Variants in ZMAT4 observed in about 807,000 individuals in gnomAD.
ZMAT4 encodes zinc finger matrin-type protein 4.
ZMAT4 carries 17 observed loss-of-function variants against 28.7 expected under a neutral mutation model. The observed-to-expected ratio is 0.59, with a 90% CI of 0.41 to 0.89. The LOEUF (loss-of-function observed/expected upper bound fraction) is 0.89, where lower values mean the gene tolerates loss of function less well. Ranked by LOEUF, ZMAT4 falls within the 40% of genes least tolerant of loss-of-function variation. The probability of loss-of-function intolerance (pLI) is 0.00; values close to 1 mark genes in which losing one functional copy is unlikely to be tolerated. For missense variants in ZMAT4, 240 were observed against 283.8 expected (o/e 0.85, Z 1.11); for synonymous variants, 117 against 109.2 (o/e 1.07, Z -0.44).
At chr8:40,855,673 C>A (rs551146161) in intron 1 of ZMAT4, among the ~76,000 whole-genome samples, 1 of 144,478 alleles carries the variant, frequency 6.9e-6, no homozygotes, top group South Asian at 2.3e-4. Flanking sequence ...ATTCTGTTCA[C>A]CAAAACTTTT....
chr8:40,673,036 C>A (rs1808745885), intron 5 of ZMAT4, among the ~76,000 whole-genome samples: 1 of 152,168 alleles, frequency 6.6e-6, no homozygotes, highest in Non-Finnish European at 1.5e-5. Context: ...TGGAAAAAAT[C>A]AATCTCGAAT....
At chr8:40,641,803 C>T (rs1007697735) in intron 5 of ZMAT4, among the ~76,000 whole-genome samples, 42 of 152,062 alleles carry the variant, frequency 2.8e-4, no homozygotes, top group Non-Finnish European at 1.5e-5. Flanking sequence ...GGCACTCTGC[C>T]TATTAGATCT....
At chr8:40,891,875 T>TAC (rs1289588606) in intron 1 of ZMAT4, among the ~76,000 whole-genome samples, 1 of 152,224 alleles carries the variant, frequency 6.6e-6, no homozygotes, top group Non-Finnish European at 1.5e-5. Context: ...TTCTCAGGGC[T>TAC]ACACACAGAA....
intron 6 of ZMAT4, among the ~76,000 whole-genome samples, chr8:40,552,278 A>G (rs941427740): frequency 5.3e-5 from 8 of 152,114 alleles, no homozygotes; most frequent in Non-Finnish European, 7.4e-5. Context: ...CCACCAATCA[A>G]GCTGCTACTA....
At chr8:40,538,522 C>T (rs1563331145) in intron 6 of ZMAT4, among the ~76,000 whole-genome samples, 1 of 152,096 alleles carries the variant, frequency 6.6e-6, no homozygotes, top group Non-Finnish European at 1.5e-5. Flanking sequence ...TCATATTTGG[C>T]TAAGAATACA....
In ZMAT4 at chr8:40,637,415, T is replaced by C. The variant is rs2118748446; in HGVS notation, c.577+37289A>G. The stretch of plus-strand genomic sequence containing the variant: ...CCCAGCAAATGTGGGATTTCTAAAG[T>C]CAAGTCTCTGAATCAACCCAGGTCT... On this transcript the variant is annotated intron_variant, in intron 5 of 6. Transcript: ENST00000297737. Among the ~76,000 whole-genome samples the C allele has an allele frequency of 2.0e-5, 3 of 152,236 alleles. No homozygotes were observed. In the East Asian group the frequency reaches 5.8e-4, roughly 29 times the overall value.
At chr8:40,885,893 C>T (rs1270654232) in intron 1 of ZMAT4, among the ~76,000 whole-genome samples, 2 of 152,204 alleles carry the variant, frequency 1.3e-5, no homozygotes, top group African/African-American at 4.8e-5. Context: ...CACGTTTCTC[C>T]CTTGCACTCA....
intron 2 of ZMAT4, among the ~76,000 whole-genome samples, chr8:40,817,747 G>A (rs563086686): frequency 6.6e-6 from 1 of 152,332 alleles, no homozygotes; most frequent in South Asian, 2.1e-4. Flanking sequence ...GCTGAATACA[G>A]TGATTGGGAA....
chr8:40,725,454 C>T (rs1811279135), intron 3 of ZMAT4, among the ~76,000 whole-genome samples: 2 of 152,104 alleles, frequency 1.3e-5, no homozygotes, highest in Admixed American at 6.6e-5. Context: ...AAAAATGTCT[C>T]GAGATGGCAT....
intron 1 of ZMAT4, among the ~76,000 whole-genome samples, chr8:40,862,057 AT>A (rs1199591380): frequency 6.6e-6 from 1 of 152,234 alleles, no homozygotes; most frequent in Admixed American, 6.5e-5. Context: ...AGACCCAGCC[AT>A]CCCATTACTG....
intron 5 of ZMAT4, among the ~76,000 whole-genome samples, chr8:40,632,881 T>G (rs1017243587): frequency 6.6e-5 from 10 of 152,212 alleles, no homozygotes; most frequent in Non-Finnish European, 7.3e-5. Context: ...TGTACACAGA[T>G]GTGATGTAGT....
At chr8:40,618,441 T>C (rs569198313) in intron 5 of ZMAT4, among the ~76,000 whole-genome samples, 4 of 152,320 alleles carry the variant, frequency 2.6e-5, no homozygotes, top group African/African-American at 9.6e-5. Flanking sequence ...ATTTCATGGT[T>C]TCTAACTGAT....
chr8:40,734,147 T>C (rs955437718), intron 3 of ZMAT4, among the ~76,000 whole-genome samples: 3 of 152,208 alleles, frequency 2.0e-5, no homozygotes, highest in African/African-American at 4.8e-5. Flanking sequence ...GCGCTGGACA[T>C]GGCAGTTATT....
chr8:40,699,553 A>G (rs4500067), intron 3 of ZMAT4, among the ~76,000 whole-genome samples: 147,209 of 151,992 alleles, frequency 0.97, 71,457 homozygotes, highest in East Asian at 1. Flanking sequence ...TTGAATCAAC[A>G]TAAGTGTCCA....
chr8:40,565,111 C>A (rs746223355), intron 6 of ZMAT4, among the ~76,000 whole-genome samples: 6 of 152,158 alleles, frequency 3.9e-5, no homozygotes, highest in Non-Finnish European at 1.5e-5. Context: ...TGTCTCTAAT[C>A]ATCATTCTTT....
intron 5 of ZMAT4, among the ~76,000 whole-genome samples, chr8:40,630,306 T>A (rs1033498798): frequency 2.0e-5 from 3 of 152,292 alleles, no homozygotes; most frequent in Middle Eastern, 3.4e-3. Context: ...AAACAATAAC[T>A]CACCTTCATT....
At chr8:40,866,602 C>G (rs962322782) in intron 1 of ZMAT4, among the ~76,000 whole-genome samples, 5 of 152,032 alleles carry the variant, frequency 3.3e-5, no homozygotes, top group Non-Finnish European at 7.4e-5. Context: ...TTTTTTCCCC[C>G]TAAGTTCCTA....
At chr8:40,710,376 C>T (rs1371247463) in intron 3 of ZMAT4, among the ~76,000 whole-genome samples, 2 of 152,122 alleles carry the variant, frequency 1.3e-5, no homozygotes, top group Non-Finnish European at 2.9e-5. Context: ...AACCAACATA[C>T]TCAGTGTAGA....
chr8:40,540,537 T>C (rs765368571), intron 6 of ZMAT4, among the ~76,000 whole-genome samples: 19 of 152,160 alleles, frequency 1.2e-4, no homozygotes, highest in Non-Finnish European at 2.1e-4. Flanking sequence ...TGGTCCTGAT[T>C]TGTAGCCTTC....
Sources: allele counts gnomAD v4.1 joint callset (sites outside exome capture counted in the v4.1 genomes callset), GRCh38; gene constraint gnomAD v4.1.1; transcripts MANE v1.5; gene names NCBI Gene and HGNC (gene_info 2026-07-23, HGNC 2026-07-21).